Variants in ITGAD observed in about 807,000 individuals in gnomAD.
ITGAD encodes integrin alpha-D.
In ITGAD, 105 loss-of-function variants were observed where a neutral mutation model predicts 139.0. The ratio of observed to expected loss-of-function variants is 0.76; its 90% CI spans 0.65 to 0.89. ITGAD has a LOEUF of 0.89. Among genes scored for constraint, ITGAD ranks in the 40% least tolerant of loss-of-function variants. The pLI is 0.00. For synonymous variants in ITGAD, 569 were observed against 598.3 expected (o/e 0.95, Z 0.71); for missense variants, 1,384 against 1,487.3 (o/e 0.93, Z 1.14).
chr16:31,408,428 C>A lies in ITGAD; in HGVS notation c.1013C>A (p.Thr338Asn). The A allele has an allele frequency of 1.2e-6, 2 of 1,613,908 alleles. No individual in the cohort carries two copies. The highest frequency in any genetic ancestry group is 8.5e-7 in the Non-Finnish European group (1 of 1,179,890). Residue 338 changes from threonine (T) to asparagine (N), a missense_variant, in exon 10 of 30, where the codon ACC becomes AAC. By Grantham distance (65) the Thr-to-Asn change is moderately conservative. Coordinates refer to ENST00000389202, the MANE Select transcript of ITGAD (RefSeq NM_005353.3). ...TCACTGACCTGTTTCCCCACAGGAACCCAGTCCAGGGCAAGCAGCTCCTTC... is the reference window on the plus strand; with the variant it reads ...TCACTGACCTGTTTCCCCACAGGAAACCAGTCCAGGGCAAGCAGCTCCTTC... ...LQEKIYAVEG[T>N]QSRASSSFQH...
At chr16:31,399,981 C>A (rs772994158) in intron 5 of ITGAD, among the ~76,000 whole-genome samples, 29 of 152,182 alleles carry the variant, frequency 1.9e-4, no homozygotes, top group Non-Finnish European at 3.8e-4. Context: ...TGGTGGGGTC[C>A]TTTTTCAAAA....
Position 31,402,228 on chromosome 16 carries a change from G to A in ITGAD, c.541G>A (p.Glu181Lys). ...TGTCCAAGCTGTCATGGGCCAGTTT[G>A]AGGGCACTGACACCCTGGTGAAGAC... The part of the protein sequence containing the change: ...GFVQAVMGQF[E>K]GTDTLFALMQ... Residue 181 changes from glutamate to lysine, a missense_variant, in exon 6 of 30, where the codon GAG (glutamate) becomes AAG (lysine). Transcript: ENST00000389202. 1.3e-6 allele frequency: 2 copies of A among 1,597,480 alleles called. No homozygotes were observed. The highest frequency in any genetic ancestry group is 1.1e-5 in the South Asian group (1 of 90,786).
At position 31,418,468 on chromosome 16, in the gene ITGAD, T is replaced by A. The variant is rs760274044; in HGVS notation, c.2697-13T>A. ...TGGATTCCTTCCCATTGGTCCCTCC[T>A]TTCTGTCTCCAGTGAGAACAATAAG... On this transcript the variant is annotated splice_polypyrimidine_tract_variant and intron_variant, in intron 22 of 29. Transcript: ENST00000389202. 1.2e-6 allele frequency: 2 copies of A among 1,613,034 alleles called. No individual in the cohort carries two copies. Among genetic ancestry groups the A allele is most frequent in the Admixed American group, 3.3e-5 (2 of 60,010 alleles).
Position 31,403,794 on chromosome 16 carries a change from C to G in ITGAD, c.704+149C>G, listed in dbSNP as rs945768876. 4.2e-6 allele frequency: 4 copies of G among 956,184 alleles called. No homozygotes were observed. Among genetic ancestry groups the G allele is most frequent in the Non-Finnish European group, 6.1e-6 (4 of 650,582 alleles). The allele number at this position is 956,184 out of a possible 1,614,324, so 59.2% of individuals were successfully genotyped here. A position where few individuals can be genotyped will look rare whatever the true frequency, so the allele number is the denominator to read the frequency against. On this transcript the variant is annotated intron_variant, in intron 7 of 29. Transcript: ENST00000389202. This position sits in a 1 kb window ranked among gnomAD's most constrained non-coding sequence, Gnocchi z 4.4. Reference sequence around the variant, plus strand: ...CGGGGCTGCAGGGAGAACCTCCCCCCGGGGTGCTCCTGGTTGCCTCGCTGC... The same window carrying G: ...CGGGGCTGCAGGGAGAACCTCCCCCGGGGGTGCTCCTGGTTGCCTCGCTGC...
chr16:31,411,590 G>C (rs2081717864), intron 14 of ITGAD, 73 bp downstream of exon 14: 2 of 1,416,140 alleles, frequency 1.4e-6, no homozygotes, highest in Non-Finnish European at 2.0e-6. Context: ...GCAGCCTCCT[G>C]TCTCTGTCAC....
At chr16:31,394,551 G>A (rs540342599) in intron 2 of ITGAD, among the ~76,000 whole-genome samples, 2 of 152,320 alleles carry the variant, frequency 1.3e-5, no homozygotes, top group East Asian at 3.9e-4. Flanking sequence ...ACCTTACCTC[G>A]GGAGGGAAGC....
At chr16:31,400,402 C>T (rs1451975429) in intron 5 of ITGAD, among the ~76,000 whole-genome samples, 1 of 152,146 alleles carries the variant, frequency 6.6e-6, no homozygotes, top group Non-Finnish European at 1.5e-5. Flanking sequence ...GGCCTCACAC[C>T]TTAGTGCTCT....
At chr16:31,414,047 C>T (rs1444561138) in intron 16 of ITGAD, among the ~76,000 whole-genome samples, 1 of 152,170 alleles carries the variant, frequency 6.6e-6, no homozygotes, top group Non-Finnish European at 1.5e-5. Flanking sequence ...TATCATCTAT[C>T]TGCCAAATCT....
rs150049273 is a variant in ITGAD, at chr16:31,397,403, C to T, written c.182C>T (p.Thr61Met). The change falls in exon 3 of 30, where the codon ACG (threonine) becomes ATG (methionine). Residue 61 changes from threonine (T) to methionine (M), a missense_variant. By Grantham distance (81) the Thr-to-Met change is moderately conservative. Transcript: ENST00000389202. ...CTGGAGGTGGTGGCGGCCAACCAGA[C>T]GGGACGGCTGTATGACTGCGCAGCT... ...APLEVVAANQTGRLYDCAAAT... is the reference protein window; with the variant it reads ...APLEVVAANQMGRLYDCAAAT... The T allele has an allele frequency of 1.3e-4, 212 of 1,604,460 alleles. No homozygotes were observed. The African/African-American group carries it at 1.5e-3, about 12-fold the overall frequency.
Position 31,414,903 on chromosome 16 carries a change from A to C in ITGAD, c.2195A>C (p.Asn732Thr), listed in dbSNP as rs1302938112. ...GTGAGCCCCATCATTCTGCACCTCA[A>C]CTTCTCACTGGTGAGAGAGCCCATC... ...DVVSPIILHL[N>T]FSLVREPIPS... is the part of the protein sequence containing the mutation. The change falls in exon 18 of 30, where the codon AAC (asparagine) becomes ACC (threonine). Residue 732 changes from asparagine (N) to threonine (T), a missense_variant. Coordinates refer to ENST00000389202, the MANE Select transcript of ITGAD (RefSeq NM_005353.3). 6.2e-7 allele frequency: 1 copy of C among 1,613,958 alleles called. No individual in the cohort carries two copies. Among genetic ancestry groups the C allele is most frequent in the African/African-American group, 1.3e-5 (1 of 74,930 alleles).
chr16:31,414,795 T>A lies in ITGAD; in HGVS notation c.2152-65T>A, dbSNP rs2081840979. 2.5e-6 allele frequency: 4 copies of A among 1,591,668 alleles called. No individual in the cohort carries two copies. In the Admixed American group the frequency reaches 6.8e-5, roughly 27 times the overall value. On this transcript the variant is annotated intron_variant, in intron 17 of 29. Coordinates refer to ENST00000389202, the MANE Select transcript of ITGAD (RefSeq NM_005353.3). The stretch of plus-strand genomic sequence containing the variant: ...TCAGGGCAGTGGGGAGTGGATGCAG[T>A]GGAGGAGGACTTGTGGTGGAGCGTA...
intron 5 of ITGAD, among the ~76,000 whole-genome samples, chr16:31,400,236 A>G (rs2081369873): frequency 6.6e-6 from 1 of 152,222 alleles, no homozygotes; most frequent in African/African-American, 2.4e-5. Flanking sequence ...TTTGCTGGTG[A>G]TTGAAGAAGC....
At chr16:31,405,217 C>T (rs919848613) in intron 7 of ITGAD, among the ~76,000 whole-genome samples, 27 of 152,064 alleles carry the variant, frequency 1.8e-4, no homozygotes, top group African/African-American at 6.0e-4. Context: ...AACTCCTGAC[C>T]TCAAGTGATC....
chr16:31,395,747 G>A (rs1020034099), intron 2 of ITGAD, among the ~76,000 whole-genome samples: 9 of 152,188 alleles, frequency 5.9e-5, no homozygotes, highest in African/African-American at 2.2e-4. Flanking sequence ...CAAGGTCTGG[G>A]GGGCGCAGGC....
intron 2 of ITGAD, among the ~76,000 whole-genome samples, chr16:31,396,364 C>A (rs1238254888): frequency 1.3e-5 from 2 of 152,108 alleles, no homozygotes; most frequent in East Asian, 1.9e-4. Context: ...TCCCAGCTAG[C>A]TGGGTGACTG....
At position 31,393,391 on chromosome 16, in the gene ITGAD, G is replaced by C; in HGVS notation, c.31G>C (p.Val11Leu). The C allele has an allele frequency of 6.2e-7, 1 of 1,614,076 alleles. No individual in the cohort carries two copies. Among genetic ancestry groups the C allele is most frequent in the South Asian group, 1.1e-5 (1 of 91,076 alleles). Residue 11 changes from valine (V) to leucine (L), a missense_variant and splice_region_variant, in exon 1 of 30, where the codon GTC (valine) becomes CTC (leucine). Val to Leu is a conservative substitution (Grantham distance 32). Transcript: ENST00000389202. MTFGTVLLLS[V>L]LASYHGFNLD... ...CTTCGGCACTGTGCTTCTTCTGAGT[G>C]GTAAGTGGGGCCAGGGTGCTGGGGA... is the stretch of plus-strand genomic sequence containing the variant.
chr16:31,424,597 C>CT lies in ITGAD; in HGVS notation c.3372+36dup, dbSNP rs372527847. The CT allele has an allele frequency of 0.11, 131,945 of 1,176,752 alleles. 46 individuals carry two copies. Among genetic ancestry groups the CT allele is most frequent in the Non-Finnish European group, 0.12 (100,729 of 854,758 alleles). 72.9% of individuals were successfully genotyped at this position (1,176,752 alleles called of 1,614,324 possible). A position where few individuals can be genotyped will look rare whatever the true frequency, so the allele number is the denominator to read the frequency against. ...TACAAGGCAAGTGTTTTATCCAACT[C>CT]TTTTTTTTTTTTTTTTGAGATGGAG... is the stretch of plus-strand genomic sequence containing the variant. On this transcript the variant is annotated intron_variant, in intron 29 of 29. Transcript: ENST00000389202.
intron 4 of ITGAD, 40 bp downstream of exon 4, chr16:31,397,706 C>T (rs541187532): frequency 1.0e-4 from 30 of 300,678 alleles, no homozygotes; most frequent in African/African-American, 3.8e-4. Flanking sequence ...TGGGGTGGGG[C>T]GGGGGGTGTT....
At chr16:31,402,047 G>A (rs966318410) in intron 5 of ITGAD, 68 bp from the exon 6 acceptor site, 15 of 1,561,498 alleles carry the variant, frequency 9.6e-6, no homozygotes, top group African/African-American at 5.4e-5. Flanking sequence ...GGGCTCTGTT[G>A]AGCAGGAGCT....
Sources: allele counts gnomAD v4.1 joint callset (sites outside exome capture counted in the v4.1 genomes callset), GRCh38; gene constraint gnomAD v4.1.1; non-coding constraint Gnocchi (gnomAD v3.1); transcripts MANE v1.5; gene names NCBI Gene and HGNC (gene_info 2026-07-23, HGNC 2026-07-21).